Variants in SHROOM2 observed in about 807,000 individuals in gnomAD.
SHROOM2 encodes the protein shroom family member 2, also known as protein Shroom2.
A neutral mutation model predicts 75.9 loss-of-function variants in SHROOM2; 33 were observed. The observed-to-expected ratio is 0.43, with a 90% CI of 0.33 to 0.58. The LOEUF (loss-of-function observed/expected upper bound fraction) is 0.58, where lower values mean the gene tolerates loss of function less well. SHROOM2 is among the 20% of genes least tolerant of loss of function. The pLI is 0.04. For missense variants in SHROOM2, 1,434 were observed against 1,461.2 expected (o/e 0.98, Z 0.30); for synonymous variants, 655 against 663.6 (o/e 0.99, Z 0.20).
chrX:9,845,219 A>G (rs1277080413), intron 1 of SHROOM2, among the ~76,000 whole-genome samples: 6 of 112,579 alleles, frequency 5.3e-5, no homozygotes, highest in East Asian at 2.8e-4. Context: ...ACTTTATTGC[A>G]GAAGTGTATA....
rs765310823 is a variant in SHROOM2 at position 9,861,712 on chromosome X, G to A, written c.166-11940G>A. ...TCCTCCTGGTCGTCCTAGGATGTAA[G>A]ACAACCAGCTCTTACCACCATTTTT... On this transcript the variant is annotated intron_variant, in intron 1 of 9. Coordinates refer to ENST00000380913, the MANE Select transcript of SHROOM2 (RefSeq NM_001649.4). 3.6e-5 allele frequency among the ~76,000 whole-genome samples: 4 copies of A among 112,292 alleles called. No individual in the cohort carries two copies. In the East Asian group the frequency reaches 1.1e-3, roughly 31 times the overall value.
At chrX:9,876,409 A>G (rs763621289) in intron 2 of SHROOM2, among the ~76,000 whole-genome samples, 7 of 111,797 alleles carry the variant, frequency 6.3e-5, no homozygotes, top group Admixed American at 9.5e-5. Flanking sequence ...TGCTTTCAAA[A>G]TTGTTCTTCT....
intron 2 of SHROOM2, among the ~76,000 whole-genome samples, chrX:9,882,485 G>A (rs2084237389): frequency 9.0e-6 from 1 of 111,421 alleles, no homozygotes; most frequent in Non-Finnish European, 1.9e-5. Context: ...TACTGGGACA[G>A]CGATCGTCTT....
chrX:9,876,700 G>C (rs750888812), intron 2 of SHROOM2, among the ~76,000 whole-genome samples: 1 of 112,831 alleles, frequency 8.9e-6, no homozygotes, highest in South Asian at 3.6e-4. Context: ...TGGTAAACTA[G>C]CTTGCCCAAG....
In SHROOM2 at chrX:9,891,035, C is replaced by T. The variant is rs1258512588; in HGVS notation, c.376C>T (p.His126Tyr). Residue 126 changes from histidine (H) to tyrosine (Y), a missense_variant, in exon 3 of 10, where the codon CAC (histidine) becomes TAC (tyrosine). Physicochemically the swap from His to Tyr is moderately conservative, Grantham distance 83. Transcript: ENST00000380913. ...SWHATKFSDS[H>Y]PELAASPFTS... ...GCATGCCACCAAGTTCTCTGACAGC[C>T]ACCCCGAGCTAGCGGCCTCCCCATT... 3 of 1,203,882 alleles carry T rather than the reference C, an allele frequency of 2.5e-6. No individual in the cohort carries two copies. In the Admixed American group the frequency reaches 6.6e-5, roughly 27 times the overall value.
At chrX:9,845,799 A>G (rs1430989713) in intron 1 of SHROOM2, among the ~76,000 whole-genome samples, 1 of 108,197 alleles carries the variant, frequency 9.2e-6, no homozygotes, top group African/African-American at 3.4e-5. Context: ...CTTCCTCTAC[A>G]TTTTGTGGAA....
chrX:9,797,592 CTTA>C (rs2083701875), intron 1 of SHROOM2, among the ~76,000 whole-genome samples: 1 of 112,510 alleles, frequency 8.9e-6, no homozygotes, highest in African/African-American at 3.2e-5. Context: ...TCCCTGCACA[CTTA>C]TTATATAAAA....
At chrX:9,941,379 C>T (rs1199654261) in intron 8 of SHROOM2, among the ~76,000 whole-genome samples, 2 of 112,213 alleles carry the variant, frequency 1.8e-5, no homozygotes, top group African/African-American at 6.5e-5. Flanking sequence ...GTGGTGAGCC[C>T]TTCAGCACCC....
chrX:9,905,071 C>T (rs993315988), intron 5 of SHROOM2, among the ~76,000 whole-genome samples: 8 of 111,923 alleles, frequency 7.1e-5, no homozygotes, highest in Non-Finnish European at 1.5e-4. Flanking sequence ...CTCAGGGTGG[C>T]CTCAAACTCC....
intron 1 of SHROOM2, among the ~76,000 whole-genome samples, chrX:9,787,359 G>T (rs757462499): frequency 6.3e-5 from 7 of 110,533 alleles, no homozygotes; most frequent in Admixed American, 5.8e-4. Context: ...TGTGTGGTTT[G>T]CTTTAGAACA....
chrX:9,850,724 T>A (rs6640530), intron 1 of SHROOM2, among the ~76,000 whole-genome samples: 1 of 107,914 alleles, frequency 9.3e-6, no homozygotes, highest in South Asian at 4.1e-4. Context: ...GCTGTAGTCC[T>A]AGCTACTCAG....
intron 1 of SHROOM2, among the ~76,000 whole-genome samples, chrX:9,817,026 C>T (rs968635378): frequency 9.9e-5 from 11 of 111,139 alleles, no homozygotes; most frequent in African/African-American, 3.3e-4. Flanking sequence ...AGCTGGAGTG[C>T]AGTGGTGTGA....
At chrX:9,821,688 G>A (rs1051862930) in intron 1 of SHROOM2, among the ~76,000 whole-genome samples, 3 of 112,120 alleles carry the variant, frequency 2.7e-5, no homozygotes, top group South Asian at 3.7e-4. Flanking sequence ...GAAATATACC[G>A]TATGATCCAT....
At chrX:9,789,966 T>C (rs1455727670) in intron 1 of SHROOM2, among the ~76,000 whole-genome samples, 1 of 38,841 alleles carries the variant, frequency 2.6e-5, no homozygotes, top group Non-Finnish European at 6.2e-5. Context: ...CTGGGACGCT[T>C]GGAGGTCCCC....
At chrX:9,911,010 C>G (rs767793455) in intron 5 of SHROOM2, among the ~76,000 whole-genome samples, 1 of 110,813 alleles carries the variant, frequency 9.0e-6, no homozygotes, top group African/African-American at 3.3e-5. Flanking sequence ...AATCAGCCAT[C>G]AGCTGATTGC....
rs759515402 is a variant in SHROOM2, at chrX:9,932,626, C to T, written c.3343C>T (p.Pro1115Ser). ...GGCCCGCCTGTCCCTCTCCCACAGC[C>T]CCTCTGTGTTCAGCAGTGCCCAGCC... ...YVARLSLSHS[P>S]SVFSSAQPQD... is the part of the protein sequence containing the mutation. Residue 1115 changes from proline (P) to serine (S), a missense_variant, in exon 6 of 10, where the codon CCC becomes TCC. Physicochemically the swap from Pro to Ser is moderately conservative, Grantham distance 74. Coordinates refer to ENST00000380913, the MANE Select transcript of SHROOM2 (RefSeq NM_001649.4). 2 of 1,209,715 alleles carry T rather than the reference C, an allele frequency of 1.7e-6. No homozygotes were observed. Among genetic ancestry groups the T allele is most frequent in the Non-Finnish European group, 2.2e-6 (2 of 894,776 alleles).
At position 9,946,712 on chromosome X, in the gene SHROOM2, C is replaced by T. The variant is rs2084822339; in HGVS notation, c.4626C>T (p.His1542=). 4 of 1,206,404 alleles carry T rather than the reference C, an allele frequency of 3.3e-6. No homozygotes were observed. Among genetic ancestry groups the T allele is most frequent in the Non-Finnish European group, 4.5e-6 (4 of 892,356 alleles). ...AGCAGAGAGTCCTGATCCAGCAGCA[C>T]GAGGACGCCAAGGAGCTCAAGGAGA... ...LEKQRVLIQQ[H]EDAKELKENL... The change falls in exon 10 of 10, where the codon CAC becomes CAT. Residue 1542 remains histidine, a synonymous_variant. Transcript: ENST00000380913.
At position 9,895,869 on chromosome X, in the gene SHROOM2, G is replaced by A. The variant is rs2084326244; in HGVS notation, c.1961G>A (p.Gly654Glu). ...AGCACAGTGGCTCTGACTGCAGCAGGGGAGGCGGAGGATGGCACCGGCCGC... is the reference window on the plus strand; with the variant it reads ...AGCACAGTGGCTCTGACTGCAGCAGAGGAGGCGGAGGATGGCACCGGCCGC... ...SRSTVALTAA[G>E]EAEDGTGRWR... is the part of the protein sequence containing the mutation. Residue 654 changes from glycine (G) to glutamate (E), a missense_variant, in exon 4 of 10, where the codon GGG (glycine) becomes GAG (glutamate). Coordinates refer to ENST00000380913, the MANE Select transcript of SHROOM2 (RefSeq NM_001649.4). The A allele has an allele frequency of 1.7e-6, 2 of 1,203,049 alleles. No individual in the cohort carries two copies.
rs186722365 is a variant in SHROOM2, at chrX:9,880,559, G to A, written c.317+6756G>A. The stretch of plus-strand genomic sequence containing the variant: ...CTGCCCGGCAGGTCATAAAGGCGGA[G>A]TAAATGTCGCCTCTTCTTAGAACTG... On this transcript the variant is annotated intron_variant, in intron 2 of 9. Coordinates refer to ENST00000380913, the MANE Select transcript of SHROOM2 (RefSeq NM_001649.4). Among the ~76,000 whole-genome samples the A allele has an allele frequency of 1.2e-3, 132 of 112,773 alleles. 1 individual carries two copies. Among genetic ancestry groups the A allele is most frequent in the South Asian group, 0.011 (31 of 2,750 alleles).
Sources: gnomAD v4.1 joint callset for allele counts (sites outside exome capture counted in the v4.1 genomes callset) on GRCh38, gnomAD v4.1.1 for gene constraint, MANE v1.5 for transcripts, NCBI Gene and HGNC (gene_info 2026-07-23, HGNC 2026-07-21) for gene names.